Variants in CMPK2 observed in about 807,000 individuals in gnomAD.
CMPK2 encodes cytidine/uridine monophosphate kinase 2.
CMPK2 carries 32 observed loss-of-function variants against 33.4 expected under a neutral mutation model. The ratio of observed to expected loss-of-function variants is 0.96; its 90% CI spans 0.72 to 1.29. CMPK2 has a LOEUF of 1.29. CMPK2 is among the 50% of genes most tolerant of loss of function. The pLI is 0.00. For synonymous variants in CMPK2, 299 were observed against 275.3 expected, an observed-to-expected ratio of 1.09 and a Z score of -0.85; for missense variants, 672 against 616.0, an observed-to-expected ratio of 1.09 and a Z score of -0.96.
chr2:6,861,444 G>A (rs940060754), intron 2 of CMPK2, 59 bp from the exon 3 acceptor site: 32 of 1,310,178 alleles, frequency 2.4e-5, no homozygotes, highest in African/African-American at 1.6e-4. Flanking sequence ...TAACATTGAC[G>A]TAGAAAGAGC....
chr2:6,851,016 C>T, intron 4 of CMPK2: 1 of 1,020,432 alleles, frequency 9.8e-7, no homozygotes, highest in Non-Finnish European at 1.2e-6. Context: ...AAGTTGTAAA[C>T]TGTAAAATAC....
intron 3 of CMPK2, among the ~76,000 whole-genome samples, chr2:6,859,786 A>G (rs1433811633): frequency 6.6e-6 from 1 of 152,234 alleles, no homozygotes; most frequent in East Asian, 1.9e-4. Flanking sequence ...TTGGAGCCCC[A>G]ACACAGAGTC....
rs1193030919 is a variant in CMPK2, at chr2:6,849,208, C to T, written c.*642G>A. The T allele has an allele frequency of 1.0e-6, 1 of 985,320 alleles. No homozygotes were observed. The highest frequency in any genetic ancestry group is 1.2e-6 in the Non-Finnish European group (1 of 829,938). 61.0% of individuals were successfully genotyped at this position (985,320 alleles called of 1,614,324 possible). On this transcript the variant is annotated 3_prime_UTR_variant, in exon 5 of 5. Coordinates refer to ENST00000256722, the MANE Select transcript of CMPK2 (RefSeq NM_207315.4). ...TTGGCTTGAATGTCTTTATATATGACTCAGAAGCCTATCAAAAGGGCTCTG... is the reference window on the plus strand; with the variant it reads ...TTGGCTTGAATGTCTTTATATATGATTCAGAAGCCTATCAAAAGGGCTCTG...
chr2:6,847,996 C>T (rs761937009), downstream of CMPK2, among the ~76,000 whole-genome samples: 14 of 152,098 alleles, frequency 9.2e-5, no homozygotes, highest in Non-Finnish European at 1.5e-4. Flanking sequence ...GGGTTACTTG[C>T]CATCAGTTTT....
rs1662462878 is a variant in CMPK2, at chr2:6,849,875, A to G, written c.1325T>C (p.Ile442Thr). The stretch of plus-strand genomic sequence containing the variant: ...CTACGGTTCACTAAAACTATTCTGG[A>G]TTAGGCTTAATACCGTCTGCAGGAC... The part of the protein sequence containing the change: ...EKVLQTVLSL[I>T]QNSFSEP Residue 442 changes from isoleucine to threonine, a missense_variant, in exon 5 of 5, where the codon ATC becomes ACC. Transcript: ENST00000256722. The G allele has an allele frequency of 6.2e-7, 1 of 1,614,056 alleles. No homozygotes were observed. Among genetic ancestry groups the G allele is most frequent in the Non-Finnish European group, 8.5e-7 (1 of 1,179,964 alleles).
At chr2:6,844,761 T>C (rs952624412), downstream of CMPK2, among the ~76,000 whole-genome samples, 2 of 152,224 alleles carry the variant, frequency 1.3e-5, no homozygotes, top group Non-Finnish European at 2.9e-5. Flanking sequence ...CTCTGAATGT[T>C]TCTGCTTCCT....
At chr2:6,852,001 T>C (rs1393258305) in intron 3 of CMPK2, among the ~76,000 whole-genome samples, 1 of 152,320 alleles carries the variant, frequency 6.6e-6, no homozygotes, top group South Asian at 2.1e-4. Flanking sequence ...TATGAAAGAA[T>C]GGAGGGTGAC....
downstream of CMPK2, among the ~76,000 whole-genome samples, chr2:6,847,307 A>G (rs1662386153): frequency 6.6e-6 from 1 of 152,210 alleles, no homozygotes; most frequent in African/African-American, 2.4e-5. Context: ...GCCCACTGGA[A>G]CTAACTGGAG....
rs1489995055 is a variant in CMPK2, at chr2:6,865,131, CA to C, written c.565del (p.Cys189AlafsTer80). Reference sequence around the variant, plus strand: ...CTCCGGGACGGGCACGACCTGTGCGCAGCCCACCTGCAGCCGCCTGCCGTCT... The same window carrying C: ...CTCCGGGACGGGCACGACCTGTGCGCGCCCACCTGCAGCCGCCTGCCGTCT... ...VQDGRRLQVG[C>X]AQVVPVPEPP... is the part of the protein sequence containing the mutation. On this transcript the variant is annotated frameshift_variant, in exon 1 of 5. Transcript: ENST00000256722. LOFTEE classifies it high-confidence loss of function. The C allele has an allele frequency of 6.6e-7, 1 of 1,523,234 alleles. No homozygotes were observed. Among genetic ancestry groups the C allele is most frequent in the South Asian group, 1.2e-5 (1 of 81,150 alleles). 94.4% of individuals were successfully genotyped at this position (1,523,234 alleles called of 1,614,324 possible). A position where few individuals can be genotyped will look rare whatever the true frequency, so the allele number is the denominator to read the frequency against.
chr2:6,860,437 G>C (rs1207504546), intron 3 of CMPK2, among the ~76,000 whole-genome samples: 2 of 152,162 alleles, frequency 1.3e-5, no homozygotes, highest in African/African-American at 4.8e-5. Context: ...GGACCCAGTG[G>C]GAGGTAATTG....
chr2:6,865,829 C>T lies in CMPK2; in HGVS notation c.-133G>A. Reference sequence around the variant, plus strand: ...ACGAAAGCGAAGCGTTGCGGGGAAACGAAAGCCGGAGGCCCAGGCGGGGCA... The same window carrying T: ...ACGAAAGCGAAGCGTTGCGGGGAAATGAAAGCCGGAGGCCCAGGCGGGGCA... On this transcript the variant is annotated 5_prime_UTR_variant, in exon 1 of 5. Transcript: ENST00000256722. 2.4e-6 allele frequency: 3 copies of T among 1,273,168 alleles called. No individual in the cohort carries two copies. The highest frequency in any genetic ancestry group is 3.0e-6 in the Non-Finnish European group (3 of 1,008,708). The allele number at this position is 1,273,168 out of a possible 1,614,324, so 78.9% of individuals were successfully genotyped here. A position where few individuals can be genotyped will look rare whatever the true frequency, so the allele number is the denominator to read the frequency against.
upstream of CMPK2, chr2:6,866,075 G>A (rs148997887): frequency 1.1e-3 from 287 of 268,470 alleles, 1 homozygote; most frequent in African/African-American, 5.1e-3. Flanking sequence ...GCGGGTGGCT[G>A]GCGGCCCCGA....
In CMPK2 at chr2:6,856,597, C is replaced by T. The variant is rs374040751; in HGVS notation, c.992+4587G>A. Among the ~76,000 whole-genome samples the T allele has an allele frequency of 3.3e-4, 51 of 152,304 alleles. 1 individual carries two copies. The highest frequency in any genetic ancestry group is 1.1e-3 in the African/African-American group (47 of 41,568). Reference sequence around the variant, plus strand: ...TAAATCTTTGGAGAAAATGAACATTCAAGAAATGTTAAGAAATAATCCAAT... The same window carrying T: ...TAAATCTTTGGAGAAAATGAACATTTAAGAAATGTTAAGAAATAATCCAAT... On this transcript the variant is annotated intron_variant, in intron 3 of 4. Transcript: ENST00000256722.
chr2:6,861,119 C>A, intron 3 of CMPK2, 65 bp downstream of exon 3: 1 of 37,320 alleles, frequency 2.7e-5, no homozygotes. Flanking sequence ...CACACACACA[C>A]ACACACACCC....
At chr2:6,865,973 C>G, upstream of CMPK2, 2 of 967,378 alleles carry the variant, frequency 2.1e-6, no homozygotes, top group Non-Finnish European at 2.8e-6. Context: ...CGCGGCTCCG[C>G]GGGCCTGCGC....
chr2:6,860,871 T>G (rs1413824135), intron 3 of CMPK2, among the ~76,000 whole-genome samples: 7 of 152,176 alleles, frequency 4.6e-5, no homozygotes, highest in African/African-American at 1.7e-4. Context: ...GCAAGTTATT[T>G]TACCTTTCTG....
downstream of CMPK2, among the ~76,000 whole-genome samples, chr2:6,845,612 G>C (rs955757291): frequency 2.6e-5 from 4 of 152,110 alleles, no homozygotes; most frequent in African/African-American, 9.7e-5. Context: ...TGCCCTGCTG[G>C]ATTCCTAGAC....
chr2:6,848,804 G>T lies in CMPK2; in HGVS notation c.*1046C>A. ...CCCCCTCACTCAGCTACTTTTTTCT[G>T]TCTAAAGATATGTCAAAGCGATTTC... On this transcript the variant is annotated 3_prime_UTR_variant, in exon 5 of 5. Coordinates refer to ENST00000256722, the MANE Select transcript of CMPK2 (RefSeq NM_207315.4). 1 of 985,718 alleles carries T rather than the reference G, an allele frequency of 1.0e-6. No homozygotes were observed. The highest frequency in any genetic ancestry group is 1.2e-6 in the Non-Finnish European group (1 of 829,882). The allele number at this position is 985,718 out of a possible 1,614,324, so 61.1% of individuals were successfully genotyped here.
intron 3 of CMPK2, chr2:6,840,762 T>A: frequency 1.5e-6 from 1 of 681,016 alleles, no homozygotes; most frequent in Non-Finnish European, 2.7e-6. Context: ...TTCTTGGGGT[T>A]GGAATTCTGA....
Sources: allele counts gnomAD v4.1 joint callset (sites outside exome capture counted in the v4.1 genomes callset), GRCh38; gene constraint gnomAD v4.1.1; transcripts MANE v1.5; gene names NCBI Gene and HGNC (gene_info 2026-07-23, HGNC 2026-07-21).